ANKLE2: variants seen among roughly 807,000 people sequenced by gnomAD.
ANKLE2 encodes ankyrin repeat and LEM domain containing 2, also known as ankyrin repeat and LEM domain-containing protein 2.
Under a neutral mutation model 84.2 loss-of-function variants are expected in ANKLE2, and 55 were observed. That is an observed-to-expected ratio of 0.65 (90% CI 0.53 to 0.82). ANKLE2 has a LOEUF of 0.82. Ranked by LOEUF, ANKLE2 falls within the 40% of genes least tolerant of loss-of-function variation. ANKLE2 has a pLI of 0.00. For synonymous variants in ANKLE2, 551 were observed against 486.1 expected (o/e 1.13, Z -1.76); for missense variants, 1,238 against 1,201.9 (o/e 1.03, Z -0.44).
At chr12:132,761,458 C>A in intron 1 of ANKLE2, 160 bp downstream of exon 1, 3 of 609,906 alleles carry the variant, frequency 4.9e-6, no homozygotes, top group Non-Finnish European at 7.0e-6. Context: ...CTGCCCTTTC[C>A]GCGGCCGGAA....
intron 8 of ANKLE2, among the ~76,000 whole-genome samples, chr12:132,736,172 G>A (rs1463845424): frequency 6.6e-6 from 1 of 152,158 alleles, no homozygotes; most frequent in African/African-American, 2.4e-5. Flanking sequence ...GGATGGTCTC[G>A]ATCTCCTGAC....
At chr12:132,739,322 CAAGAGTACT>C (rs1433929825) in intron 7 of ANKLE2, among the ~76,000 whole-genome samples, 25 of 152,134 alleles carry the variant, frequency 1.6e-4, no homozygotes, top group Non-Finnish European at 1.2e-4. Flanking sequence ...AATTTCCATT[CAAGAGTACT>C]AATTTTCCAT....
intron 3 of ANKLE2, among the ~76,000 whole-genome samples, chr12:132,750,382 G>A (rs563145837): frequency 5.7e-4 from 86 of 151,650 alleles, no homozygotes; most frequent in African/African-American, 1.9e-3. Context: ...ACAAGACCCT[G>A]TCTCTTTACA....
chr12:132,750,876 A>C (rs1393804654), intron 2 of ANKLE2, 27 bp from the exon 3 acceptor site: 8 of 1,604,988 alleles, frequency 5.0e-6, no homozygotes, highest in Non-Finnish European at 6.8e-6. Flanking sequence ...ACAAATGAAA[A>C]TCAGAGAAGA....
At chr12:132,730,454 C>CCCCA (rs2043818521) in intron 10 of ANKLE2, 184 bp from the exon 11 acceptor site, 26 of 579,462 alleles carry the variant, frequency 4.5e-5, no homozygotes, top group Non-Finnish European at 5.7e-5. Flanking sequence ...TCCAAAACCT[C>CCCCA]CTCATCAGAT....
At chr12:132,739,514 C>T (rs773137612) in intron 7 of ANKLE2, among the ~76,000 whole-genome samples, 14 of 152,254 alleles carry the variant, frequency 9.2e-5, no homozygotes, top group South Asian at 6.2e-4. Context: ...GGTAGGTATA[C>T]GGTACAATTT....
intron 5 of ANKLE2, among the ~76,000 whole-genome samples, chr12:132,746,372 C>CAAAAAAAAAAA (rs2044240154): frequency 7.7e-6 from 1 of 130,180 alleles, no homozygotes; most frequent in Non-Finnish European, 1.7e-5. Flanking sequence ...AAAAAAGAAT[C>CAAAAAAAAAAA]AGGTTAGCCC....
At chr12:132,728,268 C>T (rs540646178) in intron 11 of ANKLE2, 105 bp from the exon 12 acceptor site, 8 of 1,427,854 alleles carry the variant, frequency 5.6e-6, no homozygotes, top group South Asian at 3.6e-5. Flanking sequence ...CTTGCTCTGT[C>T]GCCCAGGCTG....
Position 132,750,655 on chromosome 12 carries a change from C to T in ANKLE2, c.835G>A (p.Asp279Asn). 1 of 1,614,166 alleles carries T rather than the reference C, an allele frequency of 6.2e-7. No homozygotes were observed. ...PVKTAPLFSN[D>N]RLKDGLCLSE... ...CTGCATGATTTACCTTTCAACCTGT[C>T]ATTGCTAAAGAGTGGAGCTGTTTTC... The change falls in exon 3 of 13, where the codon GAC (aspartate) becomes AAC (asparagine). Residue 279 changes from aspartate (D) to asparagine (N), a missense_variant. Transcript: ENST00000357997.
At chr12:132,739,063 A>G (rs76447016) in intron 7 of ANKLE2, among the ~76,000 whole-genome samples, 7,192 of 152,172 alleles carry the variant, frequency 0.047, 460 homozygotes, top group African/African-American at 0.15. Context: ...CTGAGCACAC[A>G]TGGACACAAA....
At chr12:132,748,760 G>T (rs1017867671) in intron 3 of ANKLE2, 1 of 214,324 alleles carries the variant, frequency 4.7e-6, no homozygotes, top group African/African-American at 2.3e-5. Flanking sequence ...GTGGTGGCAC[G>T]AATATAGCTC....
intron 2 of ANKLE2, among the ~76,000 whole-genome samples, chr12:132,753,010 A>T (rs2044390942): frequency 6.6e-6 from 1 of 150,930 alleles, no homozygotes; most frequent in South Asian, 2.1e-4. Flanking sequence ...AAAAAAAAAA[A>T]TTTAATTACC....
intron 6 of ANKLE2, chr12:132,741,853 A>G (rs1442555722): frequency 2.1e-6 from 1 of 467,678 alleles, no homozygotes; most frequent in Admixed American, 2.3e-5. Flanking sequence ...CTGGTCATAC[A>G]CAAACTTTTT....
At chr12:132,745,320 G>A (rs963378104) in intron 5 of ANKLE2, 3 of 185,128 alleles carry the variant, frequency 1.6e-5, no homozygotes, top group East Asian at 1.4e-4. Flanking sequence ...CTACCAAGAC[G>A]GATGAGGAAA....
chr12:132,737,317 G>C (rs2044032671), intron 7 of ANKLE2: 2 of 417,960 alleles, frequency 4.8e-6, no homozygotes, highest in Non-Finnish European at 8.5e-6. Context: ...TACAAGAAAA[G>C]AAAGAAAAGA....
At chr12:132,733,467 C>G (rs192607784) in intron 10 of ANKLE2, among the ~76,000 whole-genome samples, 19 of 144,004 alleles carry the variant, frequency 1.3e-4, no homozygotes, top group Non-Finnish European at 2.7e-4. Flanking sequence ...TGATATACCC[C>G]GTGTGAAGCA....
chr12:132,745,915 G>GA (rs2044227472), intron 5 of ANKLE2, among the ~76,000 whole-genome samples: 1 of 152,210 alleles, frequency 6.6e-6, no homozygotes, highest in South Asian at 2.1e-4. Context: ...GCATCCACAT[G>GA]AATTTCAACA....
Position 132,743,309 on chromosome 12 carries a change from C to A in ANKLE2, c.1231-33G>T. On this transcript the variant is annotated intron_variant, in intron 5 of 12. Coordinates refer to ENST00000357997, the MANE Select transcript of ANKLE2 (RefSeq NM_015114.3). This position sits in a 1 kb window ranked among gnomAD's most constrained non-coding sequence, Gnocchi z 4.1. ...AAGGTGCAGAGGAAGTACAATTATTCACACTTGTCTCATGAGGTTGCTCTA... is the reference window on the plus strand; with the variant it reads ...AAGGTGCAGAGGAAGTACAATTATTAACACTTGTCTCATGAGGTTGCTCTA... 1 of 1,567,604 alleles carries A rather than the reference C, an allele frequency of 6.4e-7. No individual in the cohort carries two copies.
At chr12:132,733,891 T>C in intron 10 of ANKLE2, 1 of 451,678 alleles carries the variant, frequency 2.2e-6, no homozygotes, top group Non-Finnish European at 4.4e-6. Context: ...GAAACTATAT[T>C]AGATTTTGGA....
Sources: allele counts gnomAD v4.1 joint callset (sites outside exome capture counted in the v4.1 genomes callset), GRCh38; gene constraint gnomAD v4.1.1; non-coding constraint Gnocchi (gnomAD v3.1); transcripts MANE v1.5; gene names NCBI Gene and HGNC (gene_info 2026-07-23, HGNC 2026-07-21).